The following GPC6 variants were observed in gnomAD, a reference collection of about 807,000 sequenced individuals.
GPC6 encodes the protein glypican 6.
GPC6 carries 14 observed loss-of-function variants against 55.2 expected under a neutral mutation model. The observed-to-expected ratio is 0.25, with a 90% confidence interval of 0.17 to 0.40. GPC6 has a LOEUF of 0.40. GPC6 is among the 10% of genes least tolerant of loss of function. The pLI, the probability that GPC6 is intolerant of heterozygous loss-of-function variation, is 1.00. For missense variants in GPC6, 641 were observed against 708.5 expected, an observed-to-expected ratio of 0.90 and a Z score of 1.08; for synonymous variants, 278 against 259.6, an observed-to-expected ratio of 1.07 and a Z score of -0.68.
intron 2 of GPC6, among the ~76,000 whole-genome samples, chr13:93,816,454 T>A: frequency 6.6e-6 from 1 of 152,068 alleles, no homozygotes; most frequent in East Asian, 1.9e-4. Context: ...CCAAATTCTA[T>A]TCCATGCTAC....
chr13:93,665,880 C>T (rs1322502603), intron 2 of GPC6, among the ~76,000 whole-genome samples: 2 of 152,134 alleles, frequency 1.3e-5, no homozygotes, highest in African/African-American at 4.8e-5. Context: ...TGATATCTGC[C>T]ACACGATGTG....
At chr13:94,084,715 T>A (rs7995558) in intron 4 of GPC6, among the ~76,000 whole-genome samples, 121,638 of 152,138 alleles carry the variant, frequency 0.8, 48,892 homozygotes, top group South Asian at 0.88. Context: ...AAAGTTTAAG[T>A]CTAGAGAGTT....
chr13:94,395,486 C>G (rs1306036852), intron 7 of GPC6, among the ~76,000 whole-genome samples: 1 of 152,176 alleles, frequency 6.6e-6, no homozygotes, highest in Non-Finnish European at 1.5e-5. Flanking sequence ...AGACATGGAG[C>G]TTATTCATGG....
At chr13:94,320,913 T>C (rs1366380768) in intron 6 of GPC6, among the ~76,000 whole-genome samples, 1 of 152,218 alleles carries the variant, frequency 6.6e-6, no homozygotes, top group African/African-American at 2.4e-5. Flanking sequence ...GTTAAGATTG[T>C]TTTTTAAACT....
intron 1 of GPC6, among the ~76,000 whole-genome samples, chr13:93,364,756 G>A (rs1566318800): frequency 6.6e-6 from 1 of 150,712 alleles, no homozygotes; most frequent in Non-Finnish European, 1.5e-5. Context: ...TTATATATAT[G>A]TATATCTCCA....
intron 2 of GPC6, among the ~76,000 whole-genome samples, chr13:93,758,629 C>T (rs1203075314): frequency 1.3e-5 from 2 of 151,610 alleles, no homozygotes; most frequent in Non-Finnish European, 1.5e-5. Flanking sequence ...TTTATCTACA[C>T]ATATAGGCCT....
At chr13:94,303,596 G>A (rs2139108290) in intron 5 of GPC6, among the ~76,000 whole-genome samples, 1 of 152,146 alleles carries the variant, frequency 6.6e-6, no homozygotes, top group South Asian at 2.1e-4. Context: ...TGATTATGTG[G>A]CCAGGTGTTG....
chr13:93,282,713 C>T (rs55662978), intron 1 of GPC6, among the ~76,000 whole-genome samples: 2 of 150,016 alleles, frequency 1.3e-5, no homozygotes, highest in Admixed American at 1.3e-4. Flanking sequence ...CTTTCTCCCC[C>T]TTCCATGGAG....
chr13:93,782,094 AC>A (rs1345595024), intron 2 of GPC6, among the ~76,000 whole-genome samples: 1 of 151,728 alleles, frequency 6.6e-6, no homozygotes, highest in Non-Finnish European at 1.5e-5. Context: ...CAATCCCCAC[AC>A]CCTCTAGCCT....
intron 1 of GPC6, among the ~76,000 whole-genome samples, chr13:93,366,247 T>G (rs763134539): frequency 2.0e-5 from 3 of 152,068 alleles, no homozygotes; most frequent in Non-Finnish European, 4.4e-5. Flanking sequence ...TTACATAAAT[T>G]GAGAAATATT....
At chr13:94,041,603 G>T (rs890919154) in intron 4 of GPC6, among the ~76,000 whole-genome samples, 4 of 151,720 alleles carry the variant, frequency 2.6e-5, no homozygotes, top group African/African-American at 9.7e-5. Context: ...ACATTCTCCT[G>T]AACATACACA....
At chr13:93,561,426 TTTGTTGC>T (rs1875798325) in intron 2 of GPC6, among the ~76,000 whole-genome samples, 1 of 143,458 alleles carries the variant, frequency 7.0e-6, no homozygotes, top group African/African-American at 2.6e-5. Context: ...TATATATATA[TTTGTTGC>T]AGTTCTTATA....
intron 2 of GPC6, among the ~76,000 whole-genome samples, chr13:93,828,826 T>C (rs1446063511): frequency 1.3e-5 from 2 of 152,152 alleles, no homozygotes; most frequent in Admixed American, 6.6e-5. Context: ...ATAGACACCA[T>C]TTAATTATCA....
intron 3 of GPC6, among the ~76,000 whole-genome samples, chr13:93,905,077 CTT>C (rs11308770): frequency 0.068 from 9,032 of 133,718 alleles, 817 homozygotes; most frequent in African/African-American, 0.22. Flanking sequence ...AGCATTCTCT[CTT>C]TTTTTTTTTT....
At chr13:94,253,309 A>C (rs75948258) in intron 4 of GPC6, among the ~76,000 whole-genome samples, 1 of 152,082 alleles carries the variant, frequency 6.6e-6, no homozygotes, top group Non-Finnish European at 1.5e-5. Context: ...GTAAGTGACT[A>C]TCTTCCTAGA....
chr13:93,801,147 C>G (rs1028954076), intron 2 of GPC6, among the ~76,000 whole-genome samples: 1 of 152,146 alleles, frequency 6.6e-6, no homozygotes, highest in African/African-American at 2.4e-5. Flanking sequence ...TAGACACTTG[C>G]AATGTTTGCT....
At chr13:93,546,048 G>A (rs1347701827) in intron 2 of GPC6, among the ~76,000 whole-genome samples, 1 of 152,180 alleles carries the variant, frequency 6.6e-6, no homozygotes, top group African/African-American at 2.4e-5. Context: ...TCGCATTAGA[G>A]CCTGAATAGT....
intron 2 of GPC6, among the ~76,000 whole-genome samples, chr13:93,612,146 G>A (rs540741545): frequency 1.2e-3 from 180 of 152,142 alleles, no homozygotes; most frequent in African/African-American, 4.0e-3. Context: ...GATGGTTTAC[G>A]GCGTAAAGTG....
Position 93,237,530 on chromosome 13 carries a change from TTTGA to T in GPC6, c.160+9917_160+9920del, listed in dbSNP as rs1357402973. Among the ~76,000 whole-genome samples, 4 of 152,242 alleles carry T rather than the reference TTTGA, an allele frequency of 2.6e-5. No homozygotes were observed. The East Asian group carries it at 7.7e-4, about 29-fold the overall frequency. On this transcript the variant is annotated intron_variant, in intron 1 of 8. Coordinates refer to ENST00000377047, the MANE Select transcript of GPC6 (RefSeq NM_005708.5). ...TTTCATTCTGTAGTTTGTTTACTCT[TTTGA>T]TTATTTCCTTTGCTATGCAGAAGCT...
Sources: gnomAD v4.1 joint callset for allele counts (sites outside exome capture counted in the v4.1 genomes callset) on GRCh38, gnomAD v4.1.1 for gene constraint, MANE v1.5 for transcripts, NCBI Gene and HGNC (gene_info 2026-07-23, HGNC 2026-07-21) for gene names.